LRRD1: variants seen among roughly 807,000 people sequenced by gnomAD.
LRRD1 encodes leucine rich repeats and death domain containing 1.
Under a neutral mutation model 69.5 loss-of-function variants are expected in LRRD1, and 49 were observed. The ratio of observed to expected loss-of-function variants is 0.70; its 90% CI spans 0.56 to 0.89. LRRD1 has a LOEUF of 0.89. Ranked by LOEUF, LRRD1 falls within the 40% of genes least tolerant of loss-of-function variation. The pLI, the probability that LRRD1 is intolerant of heterozygous loss-of-function variation, is 0.00. For synonymous variants in LRRD1, 303 were observed against 338.9 expected (o/e 0.89, Z 1.16); for missense variants, 853 against 956.0 (o/e 0.89, Z 1.42).
chr7:92,178,913 G>GGACA (rs1250046478), intron 1 of LRRD1, 94 bp downstream of exon 1: 1 of 152,244 alleles, frequency 6.6e-6, no homozygotes, highest in African/African-American at 2.4e-5. Flanking sequence ...ACGTAACGTG[G>GGACA]GACAGCATGC....
At chr7:92,158,516 A>C (rs1788722607) in intron 3 of LRRD1, among the ~76,000 whole-genome samples, 1 of 152,130 alleles carries the variant, frequency 6.6e-6, no homozygotes, top group Admixed American at 6.5e-5. Flanking sequence ...CTTTTCTGAT[A>C]TCTTTAGAGT....
In LRRD1 at chr7:92,148,283, G is replaced by A. The variant is rs553793790; in HGVS notation, c.2279-2083C>T. Among the ~76,000 whole-genome samples the A allele has an allele frequency of 1.2e-4, 18 of 152,152 alleles. No individual in the cohort carries two copies. The South Asian group carries it at 3.5e-3, about 30-fold the overall frequency. The stretch of plus-strand genomic sequence containing the variant: ...GCAATAGTCTCACTATATTGCCCAA[G>A]CTGGTCTCGAACTCCTGGGCTCAAG... On this transcript the variant is annotated intron_variant, in intron 4 of 5. Coordinates refer to ENST00000458448, the MANE Select transcript of LRRD1 (RefSeq NM_001161528.2).
intron 1 of LRRD1, among the ~76,000 whole-genome samples, chr7:92,167,846 C>T (rs1788944985): frequency 8.1e-6 from 1 of 124,180 alleles, no homozygotes; most frequent in African/African-American, 3.2e-5. Context: ...CATTGCACTC[C>T]AGCCTGGGCA....
intron 3 of LRRD1, among the ~76,000 whole-genome samples, chr7:92,157,261 A>G (rs1475272469): frequency 6.6e-6 from 1 of 152,034 alleles, no homozygotes; most frequent in Non-Finnish European, 1.5e-5. Flanking sequence ...CAGATGGTGA[A>G]TTACATGGAT....
At chr7:92,170,061 G>A (rs1789015116) in intron 1 of LRRD1, among the ~76,000 whole-genome samples, 1 of 108,436 alleles carries the variant, frequency 9.2e-6, no homozygotes, top group Admixed American at 9.2e-5. Flanking sequence ...GTGGTAGAAT[G>A]AGACCTTGAA....
At chr7:92,143,685 G>T (rs1034359969), downstream of LRRD1, among the ~76,000 whole-genome samples, 2 of 152,178 alleles carry the variant, frequency 1.3e-5, no homozygotes, top group Admixed American at 6.5e-5. Flanking sequence ...CGTGCAGCCC[G>T]GGTTCCCGCC....
At chr7:92,143,515 C>CG (rs1820228250), downstream of LRRD1, among the ~76,000 whole-genome samples, 1 of 152,148 alleles carries the variant, frequency 6.6e-6, no homozygotes. Context: ...CCCTGCCCCG[C>CG]GGGAAGGCAG....
intron 4 of LRRD1, 42 bp from the exon 5 acceptor site, chr7:92,146,242 GAT>G: frequency 1.0e-6 from 1 of 982,984 alleles, no homozygotes; most frequent in South Asian, 1.8e-5. Flanking sequence ...TTTTGAAAAA[GAT>G]AATCTATTTT....
chr7:92,146,251 T>C (rs1820320763), intron 4 of LRRD1, 51 bp from the exon 5 acceptor site: 1 of 896,236 alleles, frequency 1.1e-6, no homozygotes. Flanking sequence ...AGATAATCTA[T>C]TTTGAGTTCA....
chr7:92,150,421 T>A, intron 4 of LRRD1, 113 bp downstream of exon 4: 1 of 894,384 alleles, frequency 1.1e-6, no homozygotes, highest in Non-Finnish European at 1.6e-6. Context: ...GTCGTGATCA[T>A]GCCACTGCAG....
chr7:92,159,295 C>A, intron 2 of LRRD1, 92 bp from the exon 3 acceptor site: 1 of 948,496 alleles, frequency 1.1e-6, no homozygotes, highest in Non-Finnish European at 1.5e-6. Flanking sequence ...AGAGTTTTGT[C>A]TGTTTTTGTT....
At chr7:92,142,618 T>C (rs1464638485), downstream of LRRD1, 9 of 431,390 alleles carry the variant, frequency 2.1e-5, no homozygotes, top group Non-Finnish European at 3.7e-5. Flanking sequence ...GTGTTACAGC[T>C]CTTAAGATGG....
Position 92,159,012 on chromosome 7 carries a change from GT to G in LRRD1, c.2108del (p.Asn703ThrfsTer2). 1 of 1,542,466 alleles carries G rather than the reference GT, an allele frequency of 6.5e-7. No individual in the cohort carries two copies. Among genetic ancestry groups the G allele is most frequent in the Non-Finnish European group, 8.7e-7 (1 of 1,144,164 alleles). On this transcript the variant is annotated frameshift_variant, in exon 3 of 6. Coordinates refer to ENST00000458448, the MANE Select transcript of LRRD1 (RefSeq NM_001161528.2). LOFTEE classifies it high-confidence loss of function. ...ATTATGCTTGACACTCACCACTCAG[GT>G]TTAGTTGCTGCAGATCATTTAAAGA... ...LLSLNDLQQL[N>X]LSGNNLTALP...
intron 1 of LRRD1, among the ~76,000 whole-genome samples, chr7:92,172,852 T>A (rs1388256793): frequency 1.3e-5 from 2 of 152,090 alleles, no homozygotes; most frequent in Non-Finnish European, 2.9e-5. Flanking sequence ...AATCCTATAA[T>A]TTATATGGAA....
In LRRD1 at chr7:92,163,934, G is replaced by C. The variant is rs1038122179; in HGVS notation, c.1269C>G (p.Leu423=). 3 of 1,538,402 alleles carry C rather than the reference G, an allele frequency of 2.0e-6. No individual in the cohort carries two copies. In the Admixed American group the frequency reaches 6.3e-5, roughly 32 times the overall value. ...YIHKLNNLRK[L]HVNRNNMVKI... is the part of the protein sequence containing the mutation. ...TTACCATATTATTTCTGTTTACATG[G>C]AGTTTTCTTAAATTGTTAAGCTTAT... is the stretch of plus-strand genomic sequence containing the variant. Residue 423 remains leucine (L), a synonymous_variant, in exon 2 of 6, where the codon CTC becomes CTG. Transcript: ENST00000458448.
At chr7:92,157,817 T>A (rs1425550278) in intron 3 of LRRD1, among the ~76,000 whole-genome samples, 1 of 151,614 alleles carries the variant, frequency 6.6e-6, no homozygotes, top group African/African-American at 2.4e-5. Context: ...CCTCAAGCAA[T>A]CCGCCCCCCT....
intron 1 of LRRD1, among the ~76,000 whole-genome samples, chr7:92,172,672 T>C (rs1584663271): frequency 6.6e-6 from 1 of 151,912 alleles, no homozygotes; most frequent in Admixed American, 6.6e-5. Context: ...TAGAAAACAC[T>C]GATGAAAAAA....
At chr7:92,171,380 G>C (rs1342475059) in intron 1 of LRRD1, among the ~76,000 whole-genome samples, 2 of 152,054 alleles carry the variant, frequency 1.3e-5, no homozygotes, top group South Asian at 2.1e-4. Flanking sequence ...AGAATCATTA[G>C]AGACTATTAA....
In LRRD1 at chr7:92,150,567, C is replaced by T. The variant is rs914002155; in HGVS notation, c.2245G>A (p.Ala749Thr). 1.3e-6 allele frequency: 2 copies of T among 1,551,262 alleles called. No individual in the cohort carries two copies. The highest frequency in any genetic ancestry group is 1.7e-6 in the Non-Finnish European group (2 of 1,146,776). The change falls in exon 4 of 6, where the codon GCA (alanine) becomes ACA (threonine). Residue 749 changes from alanine (A) to threonine (T), a missense_variant. By Grantham distance (58) the Ala-to-Thr change is moderately conservative. Transcript: ENST00000458448. Reference protein sequence around the residue: ...ICKGKQLYTIARYLQRADERD... With the variant: ...ICKGKQLYTITRYLQRADERD... ...TCATCTGCCCTCTGTAGATAGCGTG[C>T]AATAGTATACAACTGTTTTCCTTTA...
Sources: allele counts gnomAD v4.1 joint callset (sites outside exome capture counted in the v4.1 genomes callset), GRCh38; gene constraint gnomAD v4.1.1; transcripts MANE v1.5; gene names NCBI Gene and HGNC (gene_info 2026-07-23, HGNC 2026-07-21).